DUSP16: variants seen among roughly 807,000 people sequenced by gnomAD.
DUSP16 encodes the protein dual specificity protein phosphatase 16.
A neutral mutation model predicts 58.3 loss-of-function variants in DUSP16; 21 were observed. That is an observed-to-expected ratio of 0.36 (90% CI 0.26 to 0.52). The LOEUF is 0.52. Ranked by LOEUF, DUSP16 falls within the 20% of genes least tolerant of loss-of-function variation. DUSP16 has a pLI of 0.94. For missense variants in DUSP16, 726 were observed against 819.0 expected (o/e 0.89, Z 1.39); for synonymous variants, 320 against 323.8 (o/e 0.99, Z 0.12).
intron 1 of DUSP16, chr12:12,554,690 C>A (rs1314586385): frequency 1.3e-5 from 2 of 151,994 alleles, no homozygotes; most frequent in East Asian, 3.8e-4. Context: ...ATTTTTAACA[C>A]ATGAAAATAT....
intron 1 of DUSP16, 76 bp from the exon 2 acceptor site, chr12:12,521,539 G>GTA (rs1262115602): frequency 1.7e-6 from 1 of 583,260 alleles, no homozygotes; most frequent in Non-Finnish European, 2.2e-6. Flanking sequence ...TAGAGAGAGT[G>GTA]TATGATTCAT....
intron 4 of DUSP16, among the ~76,000 whole-genome samples, chr12:12,492,694 C>T (rs1244555106): frequency 6.6e-6 from 1 of 152,128 alleles, no homozygotes; most frequent in Non-Finnish European, 1.5e-5. Context: ...TCCAGCTCCA[C>T]TCCTCCTGTT....
At chr12:12,513,705 G>T (rs1053790529) in intron 3 of DUSP16, among the ~76,000 whole-genome samples, 1 of 152,144 alleles carries the variant, frequency 6.6e-6, no homozygotes, top group Middle Eastern at 3.2e-3. Flanking sequence ...CTTTTACTCA[G>T]GCTGTACTGG....
intron 1 of DUSP16, among the ~76,000 whole-genome samples, chr12:12,543,746 T>C (rs1254197365): frequency 6.6e-6 from 1 of 152,098 alleles, no homozygotes; most frequent in Non-Finnish European, 1.5e-5. Context: ...AAAAAAGAAT[T>C]GGTTTATCCC....
intron 1 of DUSP16, among the ~76,000 whole-genome samples, chr12:12,545,018 T>A (rs1274854578): frequency 2.6e-5 from 4 of 152,204 alleles, no homozygotes; most frequent in Non-Finnish European, 1.5e-5. Flanking sequence ...ATAGTGTGAA[T>A]CCTACAACTT....
At chr12:12,555,928 C>A (rs1808241185) in intron 1 of DUSP16, among the ~76,000 whole-genome samples, 1 of 152,082 alleles carries the variant, frequency 6.6e-6, no homozygotes, top group Non-Finnish European at 1.5e-5. Flanking sequence ...ATAGTCCTAG[C>A]TATTTGGGAG....
At chr12:12,484,384 C>T (rs1359440273) in intron 5 of DUSP16, among the ~76,000 whole-genome samples, 1 of 152,128 alleles carries the variant, frequency 6.6e-6, no homozygotes, top group Non-Finnish European at 1.5e-5. Flanking sequence ...ATGAAAGTGG[C>T]AGGATGACCC....
Position 12,500,500 on chromosome 12 carries a change from A to G in DUSP16, c.531+19T>C, listed in dbSNP as rs140470658. On this transcript the variant is annotated intron_variant, in intron 4 of 6. Transcript: ENST00000298573. ...AACAATATAAACCCAGCAATGAAGG[A>G]TATTTTCAAAGCACCCACCTTGTTG... is the stretch of plus-strand genomic sequence containing the variant. 8 of 1,591,326 alleles carry G rather than the reference A, an allele frequency of 5.0e-6. No individual in the cohort carries two copies. In the East Asian group the frequency reaches 1.6e-4, roughly 32 times the overall value.
chr12:12,534,634 G>A (rs1242828682), intron 1 of DUSP16, among the ~76,000 whole-genome samples: 1 of 152,032 alleles, frequency 6.6e-6, no homozygotes, highest in Non-Finnish European at 1.5e-5. Context: ...GCCTCTTCCT[G>A]TCTGATGTTA....
At chr12:12,529,908 A>C (rs1944360895) in intron 1 of DUSP16, among the ~76,000 whole-genome samples, 1 of 152,234 alleles carries the variant, frequency 6.6e-6, no homozygotes, top group African/African-American at 2.4e-5. Context: ...GTGTACATAT[A>C]TACCACGTTT....
chr12:12,498,066 AAAG>A (rs1943855922), intron 4 of DUSP16, among the ~76,000 whole-genome samples: 1 of 152,206 alleles, frequency 6.6e-6, no homozygotes, highest in African/African-American at 2.4e-5. Flanking sequence ...ATTTTAATAA[AAAG>A]AACTGTACTG....
At chr12:12,547,525 T>A (rs1475092452) in intron 1 of DUSP16, among the ~76,000 whole-genome samples, 4 of 102,768 alleles carry the variant, frequency 3.9e-5, no homozygotes, top group African/African-American at 1.1e-4. Flanking sequence ...TGACTGTGAG[T>A]AGGCTTAAAA....
chr12:12,541,741 A>G (rs1278492081), intron 1 of DUSP16, among the ~76,000 whole-genome samples: 1 of 152,256 alleles, frequency 6.6e-6, no homozygotes, highest in African/African-American at 2.4e-5. Flanking sequence ...AAAGTGAGAT[A>G]TAACATCCAG....
Position 12,495,406 on chromosome 12 carries a change from A to G in DUSP16, c.531+5113T>C, listed in dbSNP as rs1256061055. ...GATTTAAATAGTGATTCTAGTTTCA[A>G]CACACAGTTGAGTAAACTTTCAAAA... On this transcript the variant is annotated intron_variant, in intron 4 of 6. Transcript: ENST00000298573. 2.0e-5 allele frequency among the ~76,000 whole-genome samples: 3 copies of G among 152,200 alleles called. No individual in the cohort carries two copies. The East Asian group carries it at 5.8e-4, about 29-fold the overall frequency.
rs1491002668 is a variant in DUSP16 at position 12,487,017 on chromosome 12, G to A, written c.691+11C>T. On this transcript the variant is annotated intron_variant, in intron 5 of 6. Transcript: ENST00000298573. ...ACCCACAGGACCTGCAATATTATTT[G>A]AGCTACTTACCAATGAAATCTACTG... 2 of 1,613,314 alleles carry A rather than the reference G, an allele frequency of 1.2e-6. No individual in the cohort carries two copies. Among genetic ancestry groups the A allele is most frequent in the Admixed American group, 1.7e-5 (1 of 59,976 alleles).
chr12:12,500,434 T>C, intron 4 of DUSP16, 85 bp downstream of exon 4: 1 of 1,433,428 alleles, frequency 7.0e-7, no homozygotes, highest in Non-Finnish European at 9.3e-7. Flanking sequence ...GATTGGGGTG[T>C]GTTTCAAATG....
intron 3 of DUSP16, 123 bp downstream of exon 3, chr12:12,519,739 A>G (rs1944201998): frequency 1.1e-6 from 1 of 942,294 alleles, no homozygotes; most frequent in Non-Finnish European, 1.6e-6. Flanking sequence ...ATCAAAAGCT[A>G]TAAATAAATC....
chr12:12,498,430 T>TTTATTTATTTATTTA (rs1268812411), intron 4 of DUSP16, among the ~76,000 whole-genome samples: 1 of 106,146 alleles, frequency 9.4e-6, no homozygotes, highest in East Asian at 2.3e-4. Flanking sequence ...TTATTTATTT[T>TTTATTTATTTATTTA]TTGAGATAGG....
At chr12:12,548,875 G>C (rs1158796507) in intron 1 of DUSP16, among the ~76,000 whole-genome samples, 1 of 151,940 alleles carries the variant, frequency 6.6e-6, no homozygotes, top group Non-Finnish European at 1.5e-5. Flanking sequence ...CATCAGGAGG[G>C]GATTTCAAGT....
Sources: gnomAD v4.1 joint callset for allele counts (sites outside exome capture counted in the v4.1 genomes callset) on GRCh38, gnomAD v4.1.1 for gene constraint, MANE v1.5 for transcripts, NCBI Gene and HGNC (gene_info 2026-07-23, HGNC 2026-07-21) for gene names.